ADCY3: variants seen among roughly 807,000 people sequenced by gnomAD.
ADCY3 encodes the protein adenylate cyclase type 3.
Under a neutral mutation model 119.4 loss-of-function variants are expected in ADCY3, and 70 were observed. The observed-to-expected ratio is 0.59, with a 90% CI of 0.48 to 0.72. The LOEUF is 0.72. Among genes scored for constraint, ADCY3 ranks in the 30% least tolerant of loss-of-function variants. The pLI is 0.00. For missense variants in ADCY3, 1,238 were observed against 1,541.6 expected (o/e 0.80, Z 3.30); for synonymous variants, 672 against 621.4 (o/e 1.08, Z -1.21).
At chr2:24,875,689 TC>T (rs1393184114) in intron 2 of ADCY3, among the ~76,000 whole-genome samples, 1 of 152,178 alleles carries the variant, frequency 6.6e-6, no homozygotes, top group Non-Finnish European at 1.5e-5. Flanking sequence ...GGCCTCAGTT[TC>T]CTCACCTGTA....
At chr2:24,904,143 GAGAGAGAA>G (rs1203471659) in intron 2 of ADCY3, among the ~76,000 whole-genome samples, 3 of 152,118 alleles carry the variant, frequency 2.0e-5, no homozygotes, top group Non-Finnish European at 2.9e-5. Flanking sequence ...GAGACAGAGA[GAGAGAGAA>G]AGAAAGAAAG....
In ADCY3 at chr2:24,834,417, G is replaced by GCCCCCCCCCCCCCCCC; in HGVS notation, c.1967+67_1967+68insGGGGGGGGGGGGGGGG. On this transcript the variant is annotated intron_variant, in intron 11 of 21. Transcript: ENST00000679454. This position sits in a 1 kb window ranked among gnomAD's most constrained non-coding sequence, Gnocchi z 4.2. ...ATGTCAGGCTCCCGCTGAGACACCT[G>GCCCCCCCCCCCCCCCC]CCCCCGCCCCCCGCCCGGCACCACC... 1 of 1,395,356 alleles carries GCCCCCCCCCCCCCCCC rather than the reference G, an allele frequency of 7.2e-7. No homozygotes were observed. The highest frequency in any genetic ancestry group is 9.7e-7 in the Non-Finnish European group (1 of 1,029,080). The allele number at this position is 1,395,356 out of a possible 1,614,324, so 86.4% of individuals were successfully genotyped here.
intron 2 of ADCY3, among the ~76,000 whole-genome samples, chr2:24,882,246 G>T (rs959821299): frequency 2.0e-5 from 3 of 151,858 alleles, no homozygotes; most frequent in African/African-American, 7.3e-5. Flanking sequence ...AGGCCATCTG[G>T]TCAACCTCCC....
intron 2 of ADCY3, among the ~76,000 whole-genome samples, chr2:24,877,619 G>C (rs1233655619): frequency 1.3e-5 from 2 of 152,234 alleles, no homozygotes; most frequent in African/African-American, 4.8e-5. Flanking sequence ...GAAGACGTGA[G>C]CATTAAAGAA....
intron 3 of ADCY3, among the ~76,000 whole-genome samples, chr2:24,867,111 G>GTGCAGCAT (rs1172684329): frequency 1.3e-5 from 2 of 152,160 alleles, no homozygotes; most frequent in African/African-American, 2.4e-5. Context: ...AAACTCCCAG[G>GTGCAGCAT]CGCAGCATCG....
intron 8 of ADCY3, among the ~76,000 whole-genome samples, chr2:24,838,136 G>A (rs915571864): frequency 6.7e-6 from 1 of 148,806 alleles, no homozygotes; most frequent in African/African-American, 2.5e-5. Context: ...CTCCATGCAG[G>A]AGACCCTGAG....
rs190672464 is a variant in ADCY3, at chr2:24,872,302, G to A, written c.825+268C>T. Among the ~76,000 whole-genome samples, 14 of 152,314 alleles carry A rather than the reference G, an allele frequency of 9.2e-5. No homozygotes were observed. Among genetic ancestry groups the A allele is most frequent in the African/African-American group, 2.6e-4 (11 of 41,574 alleles). On this transcript the variant is annotated intron_variant, in intron 3 of 21. Transcript: ENST00000679454. This position sits in a 1 kb window ranked among gnomAD's most constrained non-coding sequence, Gnocchi z 4.4. ...TTGAAAGGGAAAAGTTTTACATTAC[G>A]AAAACAAAACAAAGAGCAGGAAGGC...
chr2:24,841,555 C>G lies in ADCY3; in HGVS notation c.1068+1G>C, dbSNP rs764707112. The G allele has an allele frequency of 6.2e-7, 1 of 1,612,134 alleles. No individual in the cohort carries two copies. The highest frequency in any genetic ancestry group is 8.5e-7 in the Non-Finnish European group (1 of 1,179,502). On this transcript the variant is annotated splice_donor_variant, in intron 5 of 21. Coordinates refer to ENST00000679454, the MANE Select transcript of ADCY3 (RefSeq NM_004036.5). LOFTEE classifies it high-confidence loss of function. The surrounding 1 kb of genome is among the most constrained non-coding windows in gnomAD (Gnocchi z 5.8). The stretch of plus-strand genomic sequence containing the variant: ...AGAGCCAGGCGGGGCCAGGGACTTA[C>G]AGCTGCCAGCTTGTCAAAGCGGGCA...
At chr2:24,914,145 C>T (rs968271102) in intron 2 of ADCY3, among the ~76,000 whole-genome samples, 30 of 152,314 alleles carry the variant, frequency 2.0e-4, no homozygotes, top group South Asian at 2.1e-4. Context: ...GCCAGGGGAG[C>T]GAAATGGGCA....
At chr2:24,917,637 A>G (rs1161235200) in intron 2 of ADCY3, among the ~76,000 whole-genome samples, 1 of 152,102 alleles carries the variant, frequency 6.6e-6, no homozygotes, top group African/African-American at 2.4e-5. Flanking sequence ...GTGCTTTAGG[A>G]CCAGGAGACC....
Position 24,842,491 on chromosome 2 carries a change from G to T in ADCY3, c.826-107C>A. On this transcript the variant is annotated intron_variant, in intron 3 of 21. Transcript: ENST00000679454. This position sits in a 1 kb window ranked among gnomAD's most constrained non-coding sequence, Gnocchi z 4.9. ...GATCCTGGCAAGAAACGTGAGCAGGGAACCATGCTGCCCTCCAGAGAGACC... is the reference window on the plus strand; with the variant it reads ...GATCCTGGCAAGAAACGTGAGCAGGTAACCATGCTGCCCTCCAGAGAGACC... The T allele has an allele frequency of 7.1e-7, 1 of 1,412,456 alleles. No individual in the cohort carries two copies. Among genetic ancestry groups the T allele is most frequent in the Non-Finnish European group, 9.7e-7 (1 of 1,034,012 alleles). 87.5% of individuals were successfully genotyped at this position (1,412,456 alleles called of 1,614,324 possible).
At position 24,833,013 on chromosome 2, in the gene ADCY3, T is replaced by C. The variant is rs78227444; in HGVS notation, c.1968-1264A>G. Among the ~76,000 whole-genome samples, 553 of 152,340 alleles carry C rather than the reference T, an allele frequency of 3.6e-3. 4 individuals are homozygous for C. The highest frequency in any genetic ancestry group is 0.012 in the African/African-American group (519 of 41,566). ...CTGTCAGCTCTGTCTCCAAAATACA[T>C]TCAGCATCTATCGACGGAATCCAAC... On this transcript the variant is annotated intron_variant, in intron 11 of 21. Transcript: ENST00000679454.
Position 24,842,501 on chromosome 2 carries a change from G to T in ADCY3, c.826-117C>A. 2 of 1,326,230 alleles carry T rather than the reference G, an allele frequency of 1.5e-6. No homozygotes were observed. Among genetic ancestry groups the T allele is most frequent in the Non-Finnish European group, 2.1e-6 (2 of 965,718 alleles). 82.2% of individuals were successfully genotyped at this position (1,326,230 alleles called of 1,614,324 possible). On this transcript the variant is annotated intron_variant, in intron 3 of 21. Transcript: ENST00000679454. This position sits in a 1 kb window ranked among gnomAD's most constrained non-coding sequence, Gnocchi z 4.9. ...AGAAACGTGAGCAGGGAACCATGCT[G>T]CCCTCCAGAGAGACCTCACAGATCT...
Position 24,918,763 on chromosome 2 carries a change from G to T in ADCY3, c.225C>A (p.His75Gln). Residue 75 changes from histidine (H) to glutamine (Q), a missense_variant, in exon 2 of 22, where the codon CAC becomes CAA. Around this residue, in one of 7 missense-constraint regions of ADCY3, gnomAD observed 227 missense variants for 249.3 expected, o/e 0.91. Coordinates refer to ENST00000679454, the MANE Select transcript of ADCY3 (RefSeq NM_004036.5). This position sits in a 1 kb window ranked among gnomAD's most constrained non-coding sequence, Gnocchi z 5.4. ...AGACCACCAGCACCAGCAGGGTCTCGTGGCGCTGCCTTTTGAAGTAGGTCT... is the reference window on the plus strand; with the variant it reads ...AGACCACCAGCACCAGCAGGGTCTCTTGGCGCTGCCTTTTGAAGTAGGTCT... ...LYQTYFKRQR[H>Q]ETLLVLVVFA... The T allele has an allele frequency of 6.2e-7, 1 of 1,614,060 alleles. No homozygotes were observed. The highest frequency in any genetic ancestry group is 8.5e-7 in the Non-Finnish European group (1 of 1,180,032).
At chr2:24,907,407 G>A (rs1321749165) in intron 2 of ADCY3, among the ~76,000 whole-genome samples, 1 of 152,234 alleles carries the variant, frequency 6.6e-6, no homozygotes, top group African/African-American at 2.4e-5. Context: ...GAGCTCAAGA[G>A]AGGGGTAGAT....
chr2:24,910,372 A>G (rs759042039), intron 2 of ADCY3, among the ~76,000 whole-genome samples: 1 of 151,744 alleles, frequency 6.6e-6, no homozygotes, highest in Non-Finnish European at 1.5e-5. Context: ...TTTTTGTACC[A>G]TTTGTAGAGA....
chr2:24,887,373 G>GT (rs2148912669), intron 2 of ADCY3, among the ~76,000 whole-genome samples: 1 of 152,228 alleles, frequency 6.6e-6, no homozygotes, highest in African/African-American at 2.4e-5. Context: ...AAGCCTAACC[G>GT]TATCACTTAC....
chr2:24,852,199 G>A (rs1443714502), intron 3 of ADCY3, among the ~76,000 whole-genome samples: 1 of 152,172 alleles, frequency 6.6e-6, no homozygotes, highest in African/African-American at 2.4e-5. Flanking sequence ...CCCAGCGGCT[G>A]CCTCGGGGGG....
Position 24,872,475 on chromosome 2 carries a change from C to A in ADCY3, c.825+95G>T, listed in dbSNP as rs116750452. On this transcript the variant is annotated intron_variant, in intron 3 of 21. Coordinates refer to ENST00000679454, the MANE Select transcript of ADCY3 (RefSeq NM_004036.5). This position sits in a 1 kb window ranked among gnomAD's most constrained non-coding sequence, Gnocchi z 4.4. The stretch of plus-strand genomic sequence containing the variant: ...CAGGGTGGATGAACGCCAAGCCCCA[C>A]GGAGCCAGGGGCTGCCGCTCTGGTT... 7 of 1,459,794 alleles carry A rather than the reference C, an allele frequency of 4.8e-6. No homozygotes were observed. In the Admixed American group the frequency reaches 1.5e-4, roughly 31 times the overall value. 90.4% of individuals were successfully genotyped at this position (1,459,794 alleles called of 1,614,324 possible).
Sources: allele counts gnomAD v4.1 joint callset (sites outside exome capture counted in the v4.1 genomes callset), GRCh38; gene constraint gnomAD v4.1.1; regional missense constraint gnomAD v4.1.1; non-coding constraint Gnocchi (gnomAD v3.1); transcripts MANE v1.5; gene names NCBI Gene and HGNC (gene_info 2026-07-23, HGNC 2026-07-21).